The following RNLS variants were observed in gnomAD, a reference collection of about 807,000 sequenced individuals.
RNLS encodes renalase, FAD dependent amine oxidase, also known as renalase.
A neutral mutation model predicts 39.8 loss-of-function variants in RNLS; 39 were observed. That is an observed-to-expected ratio of 0.98 (90% CI 0.76 to 1.28). The LOEUF (loss-of-function observed/expected upper bound fraction) is 1.28, where lower values mean the gene tolerates loss of function less well. Among genes scored for constraint, RNLS ranks in the 50% most tolerant of loss-of-function variants. RNLS has a pLI of 0.00. For missense variants in RNLS, 410 were observed against 413.3 expected (o/e 0.99, Z 0.07); for synonymous variants, 147 against 150.7 (o/e 0.98, Z 0.18).
chr10:88,524,291 G>A (rs899168016), intron 4 of RNLS, among the ~76,000 whole-genome samples: 4 of 152,054 alleles, frequency 2.6e-5, no homozygotes, highest in African/African-American at 7.2e-5. Flanking sequence ...ATATTGTGAC[G>A]TTAAAAAGGT....
At chr10:88,570,726 T>G (rs1359582) in intron 4 of RNLS, among the ~76,000 whole-genome samples, 126,498 of 152,168 alleles carry the variant, frequency 0.83, 53,262 homozygotes, top group East Asian at 0.98. Flanking sequence ...GGGGCACATC[T>G]TTTCTAAAGG....
At chr10:88,306,916 A>T (rs1844963493) in intron 6 of RNLS, among the ~76,000 whole-genome samples, 1 of 152,190 alleles carries the variant, frequency 6.6e-6, no homozygotes, top group Admixed American at 6.5e-5. Context: ...TTGATGCAAA[A>T]ATCTTCAATA....
At chr10:88,477,614 C>T (rs1250047787) in intron 4 of RNLS, among the ~76,000 whole-genome samples, 2 of 152,144 alleles carry the variant, frequency 1.3e-5, no homozygotes, top group Admixed American at 6.6e-5. Flanking sequence ...AATTTGAAGA[C>T]TGTGGAAGAC....
intron 4 of RNLS, among the ~76,000 whole-genome samples, chr10:88,378,214 A>G (rs1851180185): frequency 6.6e-6 from 1 of 152,152 alleles, no homozygotes; most frequent in African/African-American, 2.4e-5. Flanking sequence ...TAACTAAAAA[A>G]AAAATAAGTC....
intron 4 of RNLS, among the ~76,000 whole-genome samples, chr10:88,423,340 C>T (rs1854521393): frequency 6.6e-6 from 1 of 152,162 alleles, no homozygotes. Context: ...AGAACAGGTT[C>T]TGTTCATTTG....
intron 4 of RNLS, among the ~76,000 whole-genome samples, chr10:88,370,634 A>G (rs184087148): frequency 6.6e-6 from 1 of 152,212 alleles, no homozygotes; most frequent in East Asian, 1.9e-4. Context: ...CACGAATTCA[A>G]CTCCTTAGAT....
intron 4 of RNLS, among the ~76,000 whole-genome samples, chr10:88,418,148 C>T (rs1028327229): frequency 1.7e-4 from 26 of 150,152 alleles, no homozygotes; most frequent in African/African-American, 5.6e-4. Context: ...TTTGCCTCAT[C>T]GAAGCTAAAG....
At chr10:88,212,279 T>G in the RNLS span, among the ~76,000 whole-genome samples, 3 of 152,236 alleles carry the variant, frequency 2.0e-5, no homozygotes, top group African/African-American at 4.8e-5. Flanking sequence ...GAAACCATGT[T>G]GATACATCAT....
intron 4 of RNLS, among the ~76,000 whole-genome samples, chr10:88,490,742 TC>T (rs1216512897): frequency 2.2e-4 from 34 of 152,302 alleles, no homozygotes; most frequent in African/African-American, 7.7e-4. Context: ...TTATAACATT[TC>T]CTGAAGTGAC....
intron 4 of RNLS, among the ~76,000 whole-genome samples, chr10:88,385,083 T>TAAG (rs1851780949): frequency 6.6e-6 from 1 of 152,210 alleles, no homozygotes; most frequent in African/African-American, 2.4e-5. Context: ...CAAAAGTACC[T>TAAG]AAGATGAAGC....
At chr10:88,314,420 C>T (rs770587040) in intron 6 of RNLS, 46 bp downstream of exon 6, 18 of 1,585,990 alleles carry the variant, frequency 1.1e-5, no homozygotes, top group Non-Finnish European at 1.6e-5. Context: ...TTCTGTGAGC[C>T]TGTTAAGAAA....
chr10:88,226,965 G>A, the RNLS span, among the ~76,000 whole-genome samples: 17 of 152,074 alleles, frequency 1.1e-4, no homozygotes, highest in African/African-American at 4.1e-4. Context: ...TTAAACCAGG[G>A]TTGACAAAGA....
intron 4 of RNLS, among the ~76,000 whole-genome samples, chr10:88,516,785 T>C (rs1400051275): frequency 1.3e-5 from 2 of 152,042 alleles, no homozygotes; most frequent in Non-Finnish European, 2.9e-5. Context: ...GAGAGTGCTT[T>C]TGTAGTCATA....
intron 4 of RNLS, among the ~76,000 whole-genome samples, chr10:88,535,573 A>G (rs917802678): frequency 6.6e-6 from 1 of 152,016 alleles, no homozygotes; most frequent in African/African-American, 2.4e-5. Context: ...CATCCTGCAC[A>G]TGTACCCCTG....
the RNLS span, among the ~76,000 whole-genome samples, chr10:88,239,354 A>T: frequency 1.3e-5 from 2 of 152,144 alleles, no homozygotes; most frequent in Non-Finnish European, 2.9e-5. Flanking sequence ...TCCTGGCAGC[A>T]GGTTCTAGAA....
intron 4 of RNLS, among the ~76,000 whole-genome samples, chr10:88,467,175 CAGTGAGT>C (rs1462690619): frequency 1.3e-5 from 2 of 152,020 alleles, no homozygotes; most frequent in African/African-American, 4.8e-5. Context: ...AAGGCAAGGC[CAGTGAGT>C]AGGTCCCTCT....
At chr10:88,389,030 A>T (rs1852037317) in intron 4 of RNLS, among the ~76,000 whole-genome samples, 1 of 152,156 alleles carries the variant, frequency 6.6e-6, no homozygotes, top group African/African-American at 2.4e-5. Flanking sequence ...GAGAGCTCTG[A>T]TAGTAGCTGC....
chr10:88,263,276 T>C, the RNLS span, among the ~76,000 whole-genome samples: 38,485 of 151,988 alleles, frequency 0.25, 4,893 homozygotes, highest in South Asian at 0.34. Flanking sequence ...AGAGAAATTA[T>C]ATGGTGTCTG....
At chr10:88,552,728 C>A (rs911264178) in intron 4 of RNLS, among the ~76,000 whole-genome samples, 3 of 152,064 alleles carry the variant, frequency 2.0e-5, no homozygotes, top group African/African-American at 7.2e-5. Flanking sequence ...ACACTATACA[C>A]ACAGACACAC....
Sources: allele counts gnomAD v4.1 joint callset (sites outside exome capture counted in the v4.1 genomes callset), GRCh38; gene constraint gnomAD v4.1.1; transcripts MANE v1.5; gene names NCBI Gene and HGNC (gene_info 2026-07-23, HGNC 2026-07-21).